RUNDC3B: variants seen among roughly 807,000 people sequenced by gnomAD.
RUNDC3B encodes the protein RUN domain containing 3B.
In RUNDC3B, 33 loss-of-function variants were observed where a neutral mutation model predicts 58.4. The ratio of observed to expected loss-of-function variants is 0.56; its 90% CI spans 0.43 to 0.75. The LOEUF (loss-of-function observed/expected upper bound fraction) is 0.75. Ranked by LOEUF, RUNDC3B falls within the 30% of genes least tolerant of loss-of-function variation. The pLI is 0.00. For missense variants in RUNDC3B, 501 were observed against 535.7 expected, an observed-to-expected ratio of 0.94 and a Z score of 0.64; for synonymous variants, 193 against 195.2, an observed-to-expected ratio of 0.99 and a Z score of 0.10.
chr7:87,710,513 A>T (rs1322497988), intron 3 of RUNDC3B, 57 bp from the exon 4 acceptor site: 2 of 969,648 alleles, frequency 2.1e-6, no homozygotes, highest in Non-Finnish European at 3.1e-6. Context: ...TTGATGGCAC[A>T]GTGGCAAAAT....
chr7:87,685,146 G>GC (rs1827330829), intron 2 of RUNDC3B, among the ~76,000 whole-genome samples: 1 of 152,090 alleles, frequency 6.6e-6, no homozygotes, highest in Non-Finnish European at 1.5e-5. Context: ...TTAATGATAA[G>GC]ACAAGGCATA....
intron 7 of RUNDC3B, among the ~76,000 whole-genome samples, chr7:87,771,810 A>T (rs879601418): frequency 6.6e-6 from 1 of 152,234 alleles, no homozygotes; most frequent in Non-Finnish European, 1.5e-5. Flanking sequence ...GCAAAATGGC[A>T]GAGTAAACAA....
intron 1 of RUNDC3B, among the ~76,000 whole-genome samples, chr7:87,633,525 G>A (rs1037458298): frequency 3.9e-5 from 6 of 152,134 alleles, no homozygotes; most frequent in Admixed American, 3.3e-4. Flanking sequence ...GCATCCTTCT[G>A]TTTCTTCCTA....
At chr7:87,658,628 A>G (rs1323329897) in intron 2 of RUNDC3B, among the ~76,000 whole-genome samples, 1 of 152,218 alleles carries the variant, frequency 6.6e-6, no homozygotes, top group Non-Finnish European at 1.5e-5. Flanking sequence ...AAATGTTGCA[A>G]ATAGAGAAAA....
At chr7:87,772,957 A>C (rs529775568) in intron 7 of RUNDC3B, among the ~76,000 whole-genome samples, 3 of 152,162 alleles carry the variant, frequency 2.0e-5, no homozygotes, top group Non-Finnish European at 4.4e-5. Flanking sequence ...TTTTATGTCA[A>C]TATCATTAAA....
At chr7:87,816,530 T>C (rs1837047455) in intron 10 of RUNDC3B, among the ~76,000 whole-genome samples, 1 of 152,148 alleles carries the variant, frequency 6.6e-6, no homozygotes, top group Admixed American at 6.6e-5. Flanking sequence ...TTTGTGTCAC[T>C]TCAATAAAAG....
At chr7:87,742,252 G>A (rs1832367972) in intron 6 of RUNDC3B, among the ~76,000 whole-genome samples, 2 of 152,002 alleles carry the variant, frequency 1.3e-5, no homozygotes, top group African/African-American at 2.4e-5. Context: ...GGTGGTATTT[G>A]ATTACATGAG....
intron 4 of RUNDC3B, among the ~76,000 whole-genome samples, chr7:87,721,212 T>C (rs1830869142): frequency 6.6e-6 from 1 of 151,406 alleles, no homozygotes; most frequent in African/African-American, 2.4e-5. Flanking sequence ...AAAACTATAC[T>C]CTATGTTGTG....
Position 87,628,598 on chromosome 7 carries a change from T to C in RUNDC3B, c.-226T>C, listed in dbSNP as rs988484502. The C allele has an allele frequency of 6.0e-3, 1,864 of 311,776 alleles. 16 individuals are homozygous for C. Among genetic ancestry groups the C allele is most frequent in the Middle Eastern group, 0.018 (20 of 1,096 alleles). 19.3% of individuals were successfully genotyped at this position (311,776 alleles called of 1,614,324 possible). ...GTGCGTGCGTGCGTGTGTGTGTGTG[T>C]GTGTGTGTGTGTGTGTGTGTGTGTG... On this transcript the variant is annotated 5_prime_UTR_variant, in exon 1 of 11. Coordinates refer to ENST00000394654, the MANE Select transcript of RUNDC3B (RefSeq NM_001134405.2).
chr7:87,637,605 G>A (rs1028974654), intron 1 of RUNDC3B, among the ~76,000 whole-genome samples: 1 of 151,874 alleles, frequency 6.6e-6, no homozygotes, highest in Non-Finnish European at 1.5e-5. Flanking sequence ...CAATAATGTA[G>A]TTTTGCATAT....
At chr7:87,664,301 C>T (rs548399480) in intron 2 of RUNDC3B, among the ~76,000 whole-genome samples, 1 of 152,144 alleles carries the variant, frequency 6.6e-6, no homozygotes, top group East Asian at 1.9e-4. Flanking sequence ...ATAGCAGCTG[C>T]ACTCAAGCCT....
At chr7:87,767,361 C>T (rs1834028257) in intron 6 of RUNDC3B, among the ~76,000 whole-genome samples, 1 of 152,130 alleles carries the variant, frequency 6.6e-6, no homozygotes, top group African/African-American at 2.4e-5. Context: ...GAGGAAGCTC[C>T]CTTAAGGATG....
chr7:87,712,839 A>G (rs940350677), intron 4 of RUNDC3B, among the ~76,000 whole-genome samples: 13 of 152,162 alleles, frequency 8.5e-5, no homozygotes, highest in Non-Finnish European at 1.6e-4. Context: ...ACATAGATAT[A>G]TGCACACATA....
At chr7:87,791,262 A>G (rs2130906651) in intron 8 of RUNDC3B, among the ~76,000 whole-genome samples, 1 of 152,274 alleles carries the variant, frequency 6.6e-6, no homozygotes, top group East Asian at 1.9e-4. Context: ...TGAAGGAGAA[A>G]TAGACTTTCC....
chr7:87,753,388 G>A (rs896231513), intron 6 of RUNDC3B, among the ~76,000 whole-genome samples: 3 of 151,654 alleles, frequency 2.0e-5, no homozygotes, highest in Non-Finnish European at 4.4e-5. Context: ...TGTCTATTAG[G>A]TCCACTTGGT....
intron 1 of RUNDC3B, among the ~76,000 whole-genome samples, chr7:87,638,551 C>T (rs1227641552): frequency 6.6e-6 from 1 of 151,544 alleles, no homozygotes; most frequent in Non-Finnish European, 1.5e-5. Flanking sequence ...TTTCCTGTGT[C>T]TTCTGGTATG....
At chr7:87,683,387 T>C (rs1563130816) in intron 2 of RUNDC3B, among the ~76,000 whole-genome samples, 1 of 152,264 alleles carries the variant, frequency 6.6e-6, no homozygotes, top group Non-Finnish European at 1.5e-5. Flanking sequence ...AGGTTTTGGC[T>C]ATCTCAGTTT....
chr7:87,811,339 A>ATTT (rs199840492), intron 9 of RUNDC3B, among the ~76,000 whole-genome samples: 4 of 143,974 alleles, frequency 2.8e-5, no homozygotes, highest in African/African-American at 1.0e-4. Flanking sequence ...TAGGCTTTTA[A>ATTT]TTTTTTTTTT....
Position 87,683,352 on chromosome 7 carries a change from C to A in RUNDC3B, c.239-17069C>A, listed in dbSNP as rs867852680. ...TTGAACTTTTTCTTTGTATTCACCA[C>A]TTGCCTAACTGGCACAAGAGGCCTA... is the stretch of plus-strand genomic sequence containing the variant. On this transcript the variant is annotated intron_variant, in intron 2 of 10. Coordinates refer to ENST00000394654, the MANE Select transcript of RUNDC3B (RefSeq NM_001134405.2). Among the ~76,000 whole-genome samples the A allele has an allele frequency of 2.0e-5, 3 of 152,330 alleles. No homozygotes were observed. In the South Asian group the frequency reaches 6.2e-4, roughly 32 times the overall value.
Sources: gnomAD v4.1 joint callset for allele counts (sites outside exome capture counted in the v4.1 genomes callset) on GRCh38, gnomAD v4.1.1 for gene constraint, MANE v1.5 for transcripts, NCBI Gene and HGNC (gene_info 2026-07-23, HGNC 2026-07-21) for gene names.